B3GAT1: variants seen among roughly 807,000 people sequenced by gnomAD.
B3GAT1 encodes beta-1,3-glucuronyltransferase 1.
In B3GAT1, 11 loss-of-function variants were observed where a neutral mutation model predicts 28.4. The observed-to-expected ratio is 0.39, with a 90% confidence interval of 0.24 to 0.64. The LOEUF (loss-of-function observed/expected upper bound fraction) is 0.64, where lower values mean the gene tolerates loss of function less well. Among genes scored for constraint, B3GAT1 ranks in the 30% least tolerant of loss-of-function variants. The pLI, the probability that B3GAT1 is intolerant of heterozygous loss-of-function variation, is 0.50. For synonymous variants in B3GAT1, 255 were observed against 223.1 expected, an observed-to-expected ratio of 1.14 and a Z score of -1.27; for missense variants, 375 against 491.0, an observed-to-expected ratio of 0.76 and a Z score of 2.23.
intron 3 of B3GAT1, 46 bp downstream of exon 3, chr11:134,383,634 C>A (rs546911432): frequency 1.4e-6 from 2 of 1,478,040 alleles, no homozygotes; most frequent in Admixed American, 4.9e-5. Flanking sequence ...CCCCTCCACT[C>A]CCCGCAGCCG....
intron 1 of B3GAT1, among the ~76,000 whole-genome samples, chr11:134,406,389 G>A (rs1944733611): frequency 6.6e-6 from 1 of 152,166 alleles, no homozygotes; most frequent in South Asian, 2.1e-4. Context: ...CCCTCTATCT[G>A]GCTGCGTCTG....
chr11:134,390,651 T>TG (rs1944391472), intron 1 of B3GAT1: 1 of 152,264 alleles, frequency 6.6e-6, no homozygotes, highest in African/African-American at 2.4e-5. Flanking sequence ...CACATGCACC[T>TG]GCTCCTGCAA....
intron 1 of B3GAT1, among the ~76,000 whole-genome samples, chr11:134,397,921 C>T (rs1216369323): frequency 3.3e-5 from 5 of 152,142 alleles, no homozygotes; most frequent in Admixed American, 2.0e-4. Flanking sequence ...TGTCCCCTCC[C>T]CCTTGCCCAG....
chr11:134,403,424 G>T (rs1259284530), intron 1 of B3GAT1, among the ~76,000 whole-genome samples: 1 of 152,190 alleles, frequency 6.6e-6, no homozygotes, highest in Non-Finnish European at 1.5e-5. Flanking sequence ...TCAGCCCAGG[G>T]GCTTCACACT....
intron 5 of B3GAT1, among the ~76,000 whole-genome samples, chr11:134,380,948 T>G (rs1944108702): frequency 6.6e-6 from 1 of 152,104 alleles, no homozygotes. Flanking sequence ...TACAGATGCA[T>G]TCTAAGTGGC....
intron 1 of B3GAT1, among the ~76,000 whole-genome samples, chr11:134,404,027 A>ATATATATATTTATTTATT (rs1555098477): frequency 7.5e-5 from 8 of 106,750 alleles, no homozygotes; most frequent in African/African-American, 2.3e-4. Context: ...ATATATATAT[A>ATATATATATTTATTTATT]TATTTATTAT....
chr11:134,386,920 C>T (rs777564405), intron 2 of B3GAT1: 1 of 153,510 alleles, frequency 6.5e-6, no homozygotes, highest in Non-Finnish European at 1.4e-5. Flanking sequence ...ACAGTACACA[C>T]CTTGCCTGCA....
intron 1 of B3GAT1, among the ~76,000 whole-genome samples, chr11:134,400,477 G>T (rs1436805292): frequency 6.6e-6 from 1 of 152,192 alleles, no homozygotes; most frequent in Non-Finnish European, 1.5e-5. Context: ...CACTATGAAT[G>T]TTAGATCATA....
At position 134,384,014 on chromosome 11, in the gene B3GAT1, G is replaced by A. The variant is rs766472299; in HGVS notation, c.287C>T (p.Pro96Leu). The stretch of plus-strand genomic sequence containing the variant: ...GCGCGTCAGCTCGGCCTTCTGCACC[G>A]GGCGGCTGTAGGTGGGCGTCACCAC... ...IHVVTPTYSR[P>L]VQKAELTRMA... Residue 96 changes from proline to leucine, a missense_variant, in exon 3 of 6, where the codon CCG becomes CTG. Physicochemically the swap from Pro to Leu is moderately conservative, Grantham distance 98 (BLOSUM62 -3). Coordinates refer to ENST00000312527, the MANE Select transcript of B3GAT1 (RefSeq NM_054025.3). 4 of 1,605,280 alleles carry A rather than the reference G, an allele frequency of 2.5e-6. No homozygotes were observed. The highest frequency in any genetic ancestry group is 3.4e-6 in the Non-Finnish European group (4 of 1,179,064).
Position 134,411,582 on chromosome 11 carries a change from GT to G in B3GAT1, c.-282+224del. On this transcript the variant is annotated intron_variant, in intron 1 of 5. Coordinates refer to ENST00000312527, the MANE Select transcript of B3GAT1 (RefSeq NM_054025.3). The surrounding 1 kb of genome is among the most constrained non-coding windows in gnomAD (Gnocchi z 6.0). ...GGTCGACGAGGGCAGGCTGTGCCGG[GT>G]TTTGTTTCGCAGCCCCTCGGCAGCA... Among the ~76,000 whole-genome samples the G allele has an allele frequency of 6.6e-6, 1 of 152,234 alleles. No individual in the cohort carries two copies. The highest frequency in any genetic ancestry group is 2.1e-4 in the South Asian group (1 of 4,832).
chr11:134,400,657 A>C (rs1020405473), intron 1 of B3GAT1, among the ~76,000 whole-genome samples: 1 of 152,250 alleles, frequency 6.6e-6, no homozygotes, highest in Non-Finnish European at 1.5e-5. Flanking sequence ...AAACTATCTA[A>C]GAATCCTAGA....
chr11:134,388,225 C>T (rs1044387108), intron 1 of B3GAT1: 8 of 282,292 alleles, frequency 2.8e-5, no homozygotes, highest in African/African-American at 1.3e-4. Flanking sequence ...CTGTGCCACC[C>T]ACAGGCTGTA....
chr11:134,386,488 T>A (rs912101573), intron 2 of B3GAT1: 1 of 151,432 alleles, frequency 6.6e-6, no homozygotes, highest in African/African-American at 2.4e-5. Flanking sequence ...GGTTTGGGAG[T>A]GAGAGGGAAA....
In B3GAT1 at chr11:134,382,794, C is replaced by T; in HGVS notation, c.834G>A (p.Val278=). The part of the protein sequence containing the change: ...RSQAYFKLRG[V]KGGYQESSLL... ...GGCTGCTTTCCTGGTAGCCTCCCTT[C>T]ACACCTCGCAGCTTGAAGTAGGCCT... Residue 278 remains valine (V), a synonymous_variant, in exon 4 of 6, where the codon GTG becomes GTA. Coordinates refer to ENST00000312527, the MANE Select transcript of B3GAT1 (RefSeq NM_054025.3). 1.9e-6 allele frequency: 3 copies of T among 1,614,226 alleles called. No homozygotes were observed. Among genetic ancestry groups the T allele is most frequent in the African/African-American group, 1.3e-5 (1 of 75,068 alleles).
chr11:134,381,923 C>T lies in B3GAT1; in HGVS notation c.*14+1G>A. The T allele has an allele frequency of 6.2e-7, 1 of 1,613,026 alleles. No individual in the cohort carries two copies. The highest frequency in any genetic ancestry group is 8.5e-7 in the Non-Finnish European group (1 of 1,179,240). On this transcript the variant is annotated splice_donor_variant, in intron 5 of 5. Transcript: ENST00000312527. LOFTEE classifies it low-confidence loss of function (3UTR_SPLICE). ...GTGGCCCACCCTCGTCATGCCCATACCTGCATCCTGAGGCTCAGATCTCCA... is the reference window on the plus strand; with the variant it reads ...GTGGCCCACCCTCGTCATGCCCATATCTGCATCCTGAGGCTCAGATCTCCA...
rs914856823 is a variant in B3GAT1 at position 134,411,619 on chromosome 11, G to A, written c.-282+188C>T. Among the ~76,000 whole-genome samples, 12 of 152,040 alleles carry A rather than the reference G, an allele frequency of 7.9e-5. No individual in the cohort carries two copies. In the East Asian group the frequency reaches 2.0e-3, roughly 25 times the overall value. The stretch of plus-strand genomic sequence containing the variant: ...AGCCCCTCGGCAGCAGCGCCTCCCA[G>A]CCCGAGCTCGGTTCTCGGCCCCCTT... On this transcript the variant is annotated intron_variant, in intron 1 of 5. Coordinates refer to ENST00000312527, the MANE Select transcript of B3GAT1 (RefSeq NM_054025.3). This position sits in a 1 kb window ranked among gnomAD's most constrained non-coding sequence, Gnocchi z 6.0.
In B3GAT1 at chr11:134,393,907, G is replaced by C. The variant is rs1286788641; in HGVS notation, c.-281-5967C>G. Among the ~76,000 whole-genome samples the C allele has an allele frequency of 6.6e-6, 1 of 152,218 alleles. No individual in the cohort carries two copies. The highest frequency in any genetic ancestry group is 1.9e-4 in the East Asian group (1 of 5,184). On this transcript the variant is annotated intron_variant, in intron 1 of 5. Coordinates refer to ENST00000312527, the MANE Select transcript of B3GAT1 (RefSeq NM_054025.3). This position sits in a 1 kb window ranked among gnomAD's most constrained non-coding sequence, Gnocchi z 4.0. The stretch of plus-strand genomic sequence containing the variant: ...AGGGAGGGACAGGCTTTGTCCCACA[G>C]ATCTCCAGGTGCCCCTAATGGGATC...
chr11:134,403,983 TTATATATATATATATATATA>T (rs55794505), intron 1 of B3GAT1, among the ~76,000 whole-genome samples: 90 of 40,684 alleles, frequency 2.2e-3, no homozygotes, highest in Middle Eastern at 0.016. Flanking sequence ...GTTTCTTTCT[TTATATATATATATATATATA>T]TATATATATA....
At chr11:134,382,459 G>A (rs761938366) in intron 4 of B3GAT1, among the ~76,000 whole-genome samples, 4 of 152,258 alleles carry the variant, frequency 2.6e-5, no homozygotes, top group Non-Finnish European at 5.9e-5. Flanking sequence ...GTGTGCATGA[G>A]TGCTCAGCAG....
Sources: allele counts gnomAD v4.1 joint callset (sites outside exome capture counted in the v4.1 genomes callset), GRCh38; gene constraint gnomAD v4.1.1; non-coding constraint Gnocchi (gnomAD v3.1); transcripts MANE v1.5; gene names NCBI Gene and HGNC (gene_info 2026-07-23, HGNC 2026-07-21).